PPM1L: variants seen among roughly 807,000 people sequenced by gnomAD.
The protein encoded by PPM1L is protein phosphatase 1L.
PPM1L carries 13 observed loss-of-function variants against 31.4 expected under a neutral mutation model. The observed-to-expected ratio is 0.41, with a 90% CI of 0.27 to 0.66. The LOEUF (loss-of-function observed/expected upper bound fraction) is 0.66, where lower values mean the gene tolerates loss of function less well. PPM1L is among the 30% of genes least tolerant of loss of function. The probability of loss-of-function intolerance (pLI) is 0.29; values close to 1 mark genes in which losing one functional copy is unlikely to be tolerated. For synonymous variants in PPM1L, 184 were observed against 175.4 expected, an observed-to-expected ratio of 1.05 and a Z score of -0.39; for missense variants, 326 against 453.7, an observed-to-expected ratio of 0.72 and a Z score of 2.56.
chr3:160,976,851 G>A (rs570755846), intron 2 of PPM1L, among the ~76,000 whole-genome samples: 2 of 152,174 alleles, frequency 1.3e-5, no homozygotes, highest in South Asian at 4.2e-4. Flanking sequence ...TTTTTTGAAG[G>A]GTTTTTTGTG....
intron 1 of PPM1L, among the ~76,000 whole-genome samples, chr3:160,769,798 G>A (rs1715201920): frequency 1.3e-5 from 2 of 152,126 alleles, no homozygotes; most frequent in African/African-American, 4.8e-5. Context: ...GATATTGTAA[G>A]TGTTATTTTG....
intron 1 of PPM1L, among the ~76,000 whole-genome samples, chr3:160,881,223 G>A (rs774559799): frequency 1.3e-5 from 2 of 152,168 alleles, no homozygotes; most frequent in Non-Finnish European, 2.9e-5. Context: ...TAATCTCAAT[G>A]TGAAGATACA....
chr3:160,831,003 A>G (rs1713509806), intron 1 of PPM1L, among the ~76,000 whole-genome samples: 1 of 152,180 alleles, frequency 6.6e-6, no homozygotes, highest in South Asian at 2.1e-4. Context: ...AACAGTACCA[A>G]CTGCAATCTG....
chr3:160,854,748 A>G (rs923583470), intron 1 of PPM1L, among the ~76,000 whole-genome samples: 1 of 152,156 alleles, frequency 6.6e-6, no homozygotes, highest in African/African-American at 2.4e-5. Flanking sequence ...GCTCATGGAT[A>G]GGAAGTACCA....
chr3:161,067,331 T>C (rs1349578742), intron 3 of PPM1L, among the ~76,000 whole-genome samples: 1 of 152,234 alleles, frequency 6.6e-6, no homozygotes, highest in African/African-American at 2.4e-5. Context: ...TTTTACATAA[T>C]TTGATCAATT....
intron 1 of PPM1L, among the ~76,000 whole-genome samples, chr3:160,861,845 G>A (rs182816104): frequency 1.3e-5 from 2 of 151,770 alleles, no homozygotes; most frequent in African/African-American, 2.4e-5. Context: ...CCAGTCTTTG[G>A]TGGTGTAGCC....
intron 2 of PPM1L, among the ~76,000 whole-genome samples, chr3:161,022,657 C>CTTT (rs71147399): frequency 0.017 from 1,619 of 93,664 alleles, no homozygotes; most frequent in Non-Finnish European, 0.026. Flanking sequence ...ATTTCTCCTT[C>CTTT]TTTTTTTTTT....
At chr3:160,814,476 TAC>T (rs143386537) in intron 1 of PPM1L, among the ~76,000 whole-genome samples, 57 of 144,952 alleles carry the variant, frequency 3.9e-4, no homozygotes, top group South Asian at 6.5e-4. Context: ...GTGGTGTATA[TAC>T]ACACACACAC....
intron 1 of PPM1L, among the ~76,000 whole-genome samples, chr3:160,911,601 G>A (rs1195406878): frequency 6.6e-6 from 1 of 152,096 alleles, no homozygotes; most frequent in African/African-American, 2.4e-5. Context: ...TTTTATCCTT[G>A]GATTCCTGCC....
chr3:160,911,753 A>C (rs1291086072), intron 1 of PPM1L, among the ~76,000 whole-genome samples: 2 of 152,218 alleles, frequency 1.3e-5, no homozygotes, highest in Non-Finnish European at 2.9e-5. Context: ...GGCAATTCAA[A>C]GGAGGACCAG....
intron 1 of PPM1L, among the ~76,000 whole-genome samples, chr3:160,805,322 G>A (rs1712563948): frequency 6.6e-6 from 1 of 152,086 alleles, no homozygotes; most frequent in Non-Finnish European, 1.5e-5. Flanking sequence ...AGTAGGGGAC[G>A]AACTTCAGAA....
chr3:160,967,544 C>T (rs1018429659), intron 2 of PPM1L, among the ~76,000 whole-genome samples: 6 of 146,488 alleles, frequency 4.1e-5, no homozygotes, highest in African/African-American at 1.5e-4. Flanking sequence ...GGCACTAATT[C>T]CATTCACGAG....
Position 160,959,200 on chromosome 3 carries a change from G to A in PPM1L, c.400-2536G>A, listed in dbSNP as rs532440798. Among the ~76,000 whole-genome samples, 54 of 151,256 alleles carry A rather than the reference G, an allele frequency of 3.6e-4. 1 individual carries two copies. In the South Asian group the frequency reaches 5.0e-3, roughly 14 times the overall value. ...TTCTATGTGAAGTAACTCAGAAATG[G>A]AAAACCAAATATCATAAATTCTCAC... On this transcript the variant is annotated intron_variant, in intron 1 of 3. Coordinates refer to ENST00000498165, the MANE Select transcript of PPM1L (RefSeq NM_139245.4).
intron 1 of PPM1L, among the ~76,000 whole-genome samples, chr3:160,847,382 A>G (rs770589030): frequency 1.2e-4 from 18 of 152,230 alleles, no homozygotes; most frequent in Non-Finnish European, 2.4e-4. Flanking sequence ...TTTGCCTGAA[A>G]TCAATGCAAG....
intron 1 of PPM1L, among the ~76,000 whole-genome samples, chr3:160,922,305 G>A (rs900090791): frequency 5.3e-5 from 8 of 151,994 alleles, no homozygotes; most frequent in Admixed American, 3.9e-4. Flanking sequence ...GCGAGACTCC[G>A]TCTAAAAAAA....
intron 2 of PPM1L, among the ~76,000 whole-genome samples, chr3:161,006,421 G>A (rs1449918397): frequency 5.9e-5 from 9 of 152,112 alleles, no homozygotes; most frequent in Admixed American, 4.6e-4. Context: ...AAATTCTAAA[G>A]ATCTGTTATA....
chr3:160,867,142 T>C (rs964011157), intron 1 of PPM1L, among the ~76,000 whole-genome samples: 3 of 152,168 alleles, frequency 2.0e-5, no homozygotes, highest in Non-Finnish European at 4.4e-5. Flanking sequence ...TCAATTTATC[T>C]TACAACTTTT....
chr3:160,783,841 C>T (rs2108068305), intron 1 of PPM1L, among the ~76,000 whole-genome samples: 1 of 152,132 alleles, frequency 6.6e-6, no homozygotes. Flanking sequence ...GGATGCCTAA[C>T]TTAGAACTAT....
intron 2 of PPM1L, among the ~76,000 whole-genome samples, chr3:161,049,160 C>T (rs530760039): frequency 3.3e-5 from 5 of 151,446 alleles, no homozygotes; most frequent in Non-Finnish European, 5.9e-5. Flanking sequence ...TACCTCTAAT[C>T]CCAGCTACCT....
Sources: allele counts gnomAD v4.1 joint callset (sites outside exome capture counted in the v4.1 genomes callset), GRCh38; gene constraint gnomAD v4.1.1; transcripts MANE v1.5; gene names NCBI Gene and HGNC (gene_info 2026-07-23, HGNC 2026-07-21).